ISG20: variants seen among roughly 807,000 people sequenced by gnomAD.
ISG20 encodes interferon stimulated exonuclease gene 20, also known as interferon-stimulated gene 20 kDa protein.
A neutral mutation model predicts 11.1 loss-of-function variants in ISG20; 8 were observed. That is an observed-to-expected ratio of 0.72 (90% confidence interval 0.42 to 1.30). The LOEUF (loss-of-function observed/expected upper bound fraction) is 1.30. Among genes scored for constraint, ISG20 ranks in the 50% most tolerant of loss-of-function variants. The probability of loss-of-function intolerance (pLI) is 0.01; values close to 1 mark genes in which losing one functional copy is unlikely to be tolerated. For synonymous variants in ISG20, 110 were observed against 101.7 expected (o/e 1.08, Z -0.49); for missense variants, 243 against 250.2 (o/e 0.97, Z 0.19).
At position 88,645,259 on chromosome 15, in the gene ISG20, G is replaced by A. The variant is rs150229954; in HGVS notation, c.228+5665G>A. On this transcript the variant is annotated intron_variant, in intron 2 of 3. Coordinates refer to ENST00000306072, the MANE Select transcript of ISG20 (RefSeq NM_002201.6). ...TCCTAATCATAAAAGAGAACTCCTA[G>A]TGCCTCCTCCCTGGTCTCATGCGGG... is the stretch of plus-strand genomic sequence containing the variant. Among the ~76,000 whole-genome samples, 349 of 152,222 alleles carry A rather than the reference G, an allele frequency of 2.3e-3. 3 individuals carry two copies. Among genetic ancestry groups the A allele is most frequent in the African/African-American group, 7.9e-3 (330 of 41,532 alleles).
chr15:88,641,182 G>T (rs939118588), intron 2 of ISG20, among the ~76,000 whole-genome samples: 4 of 152,058 alleles, frequency 2.6e-5, no homozygotes, highest in African/African-American at 9.7e-5. Flanking sequence ...TTTTGGTAGA[G>T]ATGGGGCTTC....
At chr15:88,654,575 C>T (rs113375449) in intron 3 of ISG20, among the ~76,000 whole-genome samples, 242 of 152,136 alleles carry the variant, frequency 1.6e-3, no homozygotes, top group African/African-American at 5.6e-3. Context: ...CAGGGCTGAG[C>T]GGGGCATGCG....
intron 2 of ISG20, among the ~76,000 whole-genome samples, chr15:88,642,312 C>T (rs988676651): frequency 1.3e-5 from 2 of 152,186 alleles, no homozygotes; most frequent in African/African-American, 4.8e-5. Flanking sequence ...CCTACCTTAA[C>T]TAATTCTATC....
chr15:88,656,154 C>G lies in ISG20; in HGVS notation c.*623C>G, dbSNP rs1460766913. On this transcript the variant is annotated 3_prime_UTR_variant, in exon 4 of 4. Coordinates refer to ENST00000306072, the MANE Select transcript of ISG20 (RefSeq NM_002201.6). ...TTACTGAACTTCTCAGTTTCTCCATCTGTAAAATGAGAATTCTAGCAACTC... is the reference window on the plus strand; with the variant it reads ...TTACTGAACTTCTCAGTTTCTCCATGTGTAAAATGAGAATTCTAGCAACTC... The G allele has an allele frequency of 6.6e-6, 1 of 152,240 alleles. No individual in the cohort carries two copies. The highest frequency in any genetic ancestry group is 2.4e-5 in the African/African-American group (1 of 41,446). 9.4% of individuals were successfully genotyped at this position (152,240 alleles called of 1,614,324 possible).
At chr15:88,651,846 A>G (rs547856796) in intron 2 of ISG20, 470 of 1,321,814 alleles carry the variant, frequency 3.6e-4, no homozygotes, top group Non-Finnish European at 4.4e-4. Context: ...GGAAATACTC[A>G]GGATGTACTA....
chr15:88,649,945 C>A, intron 2 of ISG20: 1 of 429,290 alleles, frequency 2.3e-6, no homozygotes, highest in Non-Finnish European at 4.3e-6. Context: ...GCATAGTGAC[C>A]CTGGGCAAGT....
intron 2 of ISG20, among the ~76,000 whole-genome samples, chr15:88,645,033 A>G (rs1031636815): frequency 1.3e-5 from 2 of 152,134 alleles, no homozygotes; most frequent in African/African-American, 2.4e-5. Flanking sequence ...TCTCAGTTAG[A>G]GGATATGCCA....
At chr15:88,637,097 A>G (rs2057996245), upstream of ISG20, among the ~76,000 whole-genome samples, 1 of 152,202 alleles carries the variant, frequency 6.6e-6, no homozygotes, top group African/African-American at 2.4e-5. Flanking sequence ...CCTGAAGCAG[A>G]GACCTGATCT....
At chr15:88,642,364 TG>T (rs1338825842) in intron 2 of ISG20, among the ~76,000 whole-genome samples, 22 of 152,186 alleles carry the variant, frequency 1.4e-4, no homozygotes, top group Non-Finnish European at 3.1e-4. Context: ...TCTGAGGTAT[TG>T]GGGGTTAGGA....
chr15:88,653,560 C>T (rs189607932), intron 3 of ISG20, among the ~76,000 whole-genome samples: 5 of 152,248 alleles, frequency 3.3e-5, no homozygotes, highest in Non-Finnish European at 5.9e-5. Context: ...GAGCCCTTGC[C>T]GCTCTGTGGC....
chr15:88,656,132 C>T lies in ISG20; in HGVS notation c.*601C>T, dbSNP rs1316745718. The T allele has an allele frequency of 6.6e-6, 1 of 152,288 alleles. No homozygotes were observed. Among genetic ancestry groups the T allele is most frequent in the Non-Finnish European group, 1.5e-5 (1 of 68,092 alleles). 9.4% of individuals were successfully genotyped at this position (152,288 alleles called of 1,614,324 possible). ...TAGCTGTTTGACCTAAGGTGGTTTA[C>T]TGAACTTCTCAGTTTCTCCATCTGT... On this transcript the variant is annotated 3_prime_UTR_variant, in exon 4 of 4. Coordinates refer to ENST00000306072, the MANE Select transcript of ISG20 (RefSeq NM_002201.6).
At chr15:88,638,771 T>C (rs961752229), upstream of ISG20, 2 of 155,298 alleles carry the variant, frequency 1.3e-5, no homozygotes, top group African/African-American at 4.8e-5. Flanking sequence ...AAATGCGTCA[T>C]CTGAGGAGGG....
In ISG20 at chr15:88,650,367, C is replaced by T. The variant is rs1201848385; in HGVS notation, c.229-1743C>T. 2 of 1,533,026 alleles carry T rather than the reference C, an allele frequency of 1.3e-6. No individual in the cohort carries two copies. Among genetic ancestry groups the T allele is most frequent in the Admixed American group, 2.0e-5 (1 of 50,914 alleles). The allele number at this position is 1,533,026 out of a possible 1,614,324, so 95.0% of individuals were successfully genotyped here. On this transcript the variant is annotated intron_variant, in intron 2 of 3. Transcript: ENST00000306072. The surrounding 1 kb of genome is among the most constrained non-coding windows in gnomAD (Gnocchi z 4.0). ...GGGCTGGGGCAGTCACAGCTGGGCGCCTGGGCTGCTGGAGGCCTGGAGTGG... is the reference window on the plus strand; with the variant it reads ...GGGCTGGGGCAGTCACAGCTGGGCGTCTGGGCTGCTGGAGGCCTGGAGTGG...
chr15:88,641,202 G>C (rs945587976), intron 2 of ISG20, among the ~76,000 whole-genome samples: 14 of 152,044 alleles, frequency 9.2e-5, no homozygotes, highest in Non-Finnish European at 1.8e-4. Context: ...CACCATGTTG[G>C]CCAGGCTGGT....
intron 2 of ISG20, chr15:88,651,325 A>C: frequency 3.1e-6 from 3 of 975,538 alleles, no homozygotes; most frequent in Non-Finnish European, 2.4e-6. Context: ...GGAAGCCATC[A>C]ACTTAGTGAT....
Position 88,639,150 on chromosome 15 carries a change from G to T in ISG20, c.-25+74G>T. On this transcript the variant is annotated intron_variant, in intron 1 of 3. Coordinates refer to ENST00000306072, the MANE Select transcript of ISG20 (RefSeq NM_002201.6). The surrounding 1 kb of genome is among the most constrained non-coding windows in gnomAD (Gnocchi z 4.2). ...TTCCCGGTCCCCAGGCTGCGGGGCA[G>T]GCCAGAGGCCCTGGGACACACGGGC... 1.7e-6 allele frequency: 1 copy of T among 585,306 alleles called. No individual in the cohort carries two copies. Among genetic ancestry groups the T allele is most frequent in the South Asian group, 2.1e-5 (1 of 48,426 alleles). 36.3% of individuals were successfully genotyped at this position (585,306 alleles called of 1,614,324 possible).
At chr15:88,645,481 C>T (rs1326797496) in intron 2 of ISG20, among the ~76,000 whole-genome samples, 3 of 152,164 alleles carry the variant, frequency 2.0e-5, no homozygotes, top group Non-Finnish European at 4.4e-5. Flanking sequence ...TCCCACTCTG[C>T]TGCCAGAGAA....
At chr15:88,644,901 C>T (rs189470393) in intron 2 of ISG20, among the ~76,000 whole-genome samples, 3 of 152,230 alleles carry the variant, frequency 2.0e-5, no homozygotes, top group African/African-American at 7.2e-5. Flanking sequence ...AGAGCAGTAC[C>T]TCTCCGAGTC....
chr15:88,644,532 CAAAAAAAA>C (rs373461017), intron 2 of ISG20, among the ~76,000 whole-genome samples: 1 of 89,162 alleles, frequency 1.1e-5, no homozygotes, highest in East Asian at 2.6e-4. Context: ...ACTTAGTCTC[CAAAAAAAA>C]AAAAAAAGAA....
Sources: gnomAD v4.1 joint callset for allele counts (sites outside exome capture counted in the v4.1 genomes callset) on GRCh38, gnomAD v4.1.1 for gene constraint, Gnocchi (gnomAD v3.1) non-coding constraint, MANE v1.5 for transcripts, NCBI Gene and HGNC (gene_info 2026-07-23, HGNC 2026-07-21) for gene names.